Variants in EYS observed in about 807,000 individuals in gnomAD.
EYS encodes EGF-like photoreceptor maintenance factor.
EYS carries 250 observed loss-of-function variants against 282.1 expected under a neutral mutation model. The ratio of observed to expected loss-of-function variants is 0.89; its 90% CI spans 0.80 to 0.98. The LOEUF is 0.98. Ranked by LOEUF, EYS falls within the 50% of genes least tolerant of loss-of-function variation. The pLI, the probability that EYS is intolerant of heterozygous loss-of-function variation, is 0.00. For synonymous variants in EYS, 1,355 were observed against 1,282.9 expected, an observed-to-expected ratio of 1.06 and a Z score of -1.20; for missense variants, 4,016 against 3,709.0, an observed-to-expected ratio of 1.08 and a Z score of -2.15.
At chr6:65,695,916 C>T (rs1450008576) in intron 1 of EYS, among the ~76,000 whole-genome samples, 1 of 151,822 alleles carries the variant, frequency 6.6e-6, no homozygotes, top group Non-Finnish European at 1.5e-5. Flanking sequence ...TAAGAAATGA[C>T]AAGTTAACTG....
intron 36 of EYS, among the ~76,000 whole-genome samples, chr6:63,851,679 G>C (rs149944657): frequency 1.9e-3 from 294 of 152,270 alleles, no homozygotes; most frequent in Middle Eastern, 6.8e-3. Context: ...GCAGTGTTTA[G>C]AGGGAAATTT....
chr6:64,963,824 A>C, intron 14 of EYS, among the ~76,000 whole-genome samples: 1 of 152,296 alleles, frequency 6.6e-6, no homozygotes, highest in African/African-American at 2.4e-5. Flanking sequence ...CTGAACAATT[A>C]ATAACATACA....
At chr6:64,238,306 G>A (rs1287183199) in intron 30 of EYS, among the ~76,000 whole-genome samples, 1 of 152,136 alleles carries the variant, frequency 6.6e-6, no homozygotes. Flanking sequence ...TTCACAGTAT[G>A]AAGGGTGGAT....
chr6:64,012,645 A>C (rs1210785172), intron 33 of EYS, among the ~76,000 whole-genome samples: 5 of 152,192 alleles, frequency 3.3e-5, no homozygotes, highest in African/African-American at 4.8e-5. Flanking sequence ...ATCCAGTGTG[A>C]TTGTCATGGC....
chr6:65,426,805 G>A (rs1276560301), intron 5 of EYS, among the ~76,000 whole-genome samples: 2 of 151,966 alleles, frequency 1.3e-5, no homozygotes, highest in Non-Finnish European at 2.9e-5. Context: ...TTCAACAGAT[G>A]TTAATAAGTT....
chr6:65,570,677 C>G, intron 2 of EYS, among the ~76,000 whole-genome samples: 1 of 152,208 alleles, frequency 6.6e-6, no homozygotes, highest in East Asian at 1.9e-4. Context: ...TTAAGATAAA[C>G]AGAGATGGAC....
intron 22 of EYS, among the ~76,000 whole-genome samples, chr6:64,710,103 C>T (rs1378436671): frequency 6.6e-6 from 1 of 152,112 alleles, no homozygotes; most frequent in South Asian, 2.1e-4. Flanking sequence ...TTAATAAACA[C>T]GTCTTATAAA....
At chr6:65,358,122 A>ACAT (rs1470537106) in intron 8 of EYS, among the ~76,000 whole-genome samples, 2 of 152,006 alleles carry the variant, frequency 1.3e-5, no homozygotes, top group Non-Finnish European at 2.9e-5. Context: ...TAGTTAGTTT[A>ACAT]CATGGAAGTG....
At chr6:63,721,988 C>T (rs1768416573) in intron 42 of EYS, among the ~76,000 whole-genome samples, 191 bp from the exon 43 acceptor site, 1 of 152,082 alleles carries the variant, frequency 6.6e-6, no homozygotes, top group African/African-American at 2.4e-5. Flanking sequence ...TCATTTTGTT[C>T]AGCAATTGGC....
chr6:64,536,081 C>A (rs899794052), intron 26 of EYS, among the ~76,000 whole-genome samples: 1 of 151,760 alleles, frequency 6.6e-6, no homozygotes, highest in Non-Finnish European at 1.5e-5. Flanking sequence ...TGTTATTAAA[C>A]ATAATTTTAG....
intron 2 of EYS, among the ~76,000 whole-genome samples, chr6:65,506,376 T>A (rs1269748133): frequency 6.6e-6 from 1 of 151,836 alleles, no homozygotes; most frequent in Admixed American, 6.6e-5. Flanking sequence ...TGATTATTTT[T>A]ATCTTCTCTT....
intron 28 of EYS, among the ~76,000 whole-genome samples, chr6:64,402,521 G>A (rs1773568454): frequency 6.6e-6 from 1 of 152,126 alleles, no homozygotes; most frequent in Non-Finnish European, 1.5e-5. Flanking sequence ...CAAGTTGCTA[G>A]GTGCTTAAAT....
chr6:65,629,873 A>T (rs1379991637), intron 2 of EYS, among the ~76,000 whole-genome samples: 3 of 152,202 alleles, frequency 2.0e-5, no homozygotes, highest in African/African-American at 7.2e-5. Context: ...TGACCTCAAT[A>T]TTCTAAAGAT....
chr6:63,928,124 C>T (rs928415716), intron 35 of EYS, among the ~76,000 whole-genome samples: 1 of 152,148 alleles, frequency 6.6e-6, no homozygotes, highest in Non-Finnish European at 1.5e-5. Flanking sequence ...GAAGATCAAT[C>T]GTGCTGACGT....
intron 12 of EYS, among the ~76,000 whole-genome samples, chr6:65,223,781 A>G (rs1438908182): frequency 3.3e-5 from 5 of 152,126 alleles, no homozygotes; most frequent in African/African-American, 1.2e-4. Flanking sequence ...GAAAGAAGAG[A>G]CTGGGGAAGG....
At chr6:64,706,176 A>G (rs1720347501) in intron 22 of EYS, among the ~76,000 whole-genome samples, 1 of 152,136 alleles carries the variant, frequency 6.6e-6, no homozygotes, top group African/African-American at 2.4e-5. Flanking sequence ...AAATACTTAC[A>G]GCCAACTAAT....
intron 12 of EYS, among the ~76,000 whole-genome samples, chr6:65,281,840 C>T (rs866815861): frequency 1.3e-5 from 2 of 152,020 alleles, no homozygotes; most frequent in Admixed American, 6.6e-5. Flanking sequence ...AATATGTCTC[C>T]TAGTTTTTAC....
chr6:64,445,902 C>T (rs1397231128), intron 26 of EYS, among the ~76,000 whole-genome samples: 1 of 151,946 alleles, frequency 6.6e-6, no homozygotes, highest in Non-Finnish European at 1.5e-5. Flanking sequence ...ATGGGCAAAA[C>T]TGGTATTCTG....
chr6:65,189,066 AT>A (rs964359846), intron 12 of EYS, among the ~76,000 whole-genome samples: 8 of 151,400 alleles, frequency 5.3e-5, no homozygotes, highest in African/African-American at 1.2e-4. Flanking sequence ...TACAGTTTTA[AT>A]TTTTTTTATA....
Sources: allele counts gnomAD v4.1 joint callset (sites outside exome capture counted in the v4.1 genomes callset), GRCh38; gene constraint gnomAD v4.1.1; transcripts MANE v1.5; gene names NCBI Gene and HGNC (gene_info 2026-07-23, HGNC 2026-07-21).